TRAK1: variants seen among roughly 807,000 people sequenced by gnomAD.
The protein encoded by TRAK1 is trafficking kinesin protein 1.
A neutral mutation model predicts 92.1 loss-of-function variants in TRAK1; 33 were observed. That is an observed-to-expected ratio of 0.36 (90% confidence interval 0.27 to 0.48). The LOEUF (loss-of-function observed/expected upper bound fraction) is 0.48, where lower values mean the gene tolerates loss of function less well. TRAK1 is among the 20% of genes least tolerant of loss of function. TRAK1 has a pLI of 0.99. For missense variants in TRAK1, 1,123 were observed against 1,257.9 expected, an observed-to-expected ratio of 0.89 and a Z score of 1.62; for synonymous variants, 521 against 517.3, an observed-to-expected ratio of 1.01 and a Z score of -0.10.
upstream of TRAK1, chr3:42,087,147 G>A (rs1336420815): frequency 6.6e-6 from 1 of 152,542 alleles, no homozygotes; most frequent in African/African-American, 2.4e-5. Flanking sequence ...AACTACCGGG[G>A]GCCATCTGCC....
chr3:42,054,771 G>A (rs1703127889), intron 1 of TRAK1, among the ~76,000 whole-genome samples: 1 of 151,924 alleles, frequency 6.6e-6, no homozygotes, highest in Non-Finnish European at 1.5e-5. Flanking sequence ...AGTGAAAGTT[G>A]AATCATTTTC....
intron 1 of TRAK1, among the ~76,000 whole-genome samples, chr3:42,074,615 A>G (rs534862942): frequency 6.6e-6 from 1 of 151,782 alleles, no homozygotes; most frequent in South Asian, 2.1e-4. Context: ...TGTTGAAAAC[A>G]TGCCTTCATT....
intron 1 of TRAK1, among the ~76,000 whole-genome samples, chr3:42,117,785 A>ACTTCTTCTG (rs1487266427): frequency 6.6e-6 from 1 of 150,618 alleles, no homozygotes; most frequent in Non-Finnish European, 1.5e-5. Flanking sequence ...AGATAGGCTG[A>ACTTCTTCTG]CTTCTTCTGA....
intron 1 of TRAK1, among the ~76,000 whole-genome samples, chr3:42,109,347 A>C (rs1228733530): frequency 1.3e-5 from 2 of 152,242 alleles, no homozygotes; most frequent in Non-Finnish European, 2.9e-5. Flanking sequence ...AGGTGATTCA[A>C]AGATGTAATG....
intron 14 of TRAK1, among the ~76,000 whole-genome samples, chr3:42,216,513 C>G (rs938519342): frequency 6.6e-6 from 1 of 152,172 alleles, no homozygotes; most frequent in Non-Finnish European, 1.5e-5. Flanking sequence ...CTCACTCTTG[C>G]AAAGTCCTCT....
chr3:42,110,096 A>T (rs1386195669), intron 1 of TRAK1, among the ~76,000 whole-genome samples: 1 of 31,542 alleles, frequency 3.2e-5, no homozygotes, highest in Non-Finnish European at 7.3e-5. Context: ...AACTTAAAGT[A>T]TATATATATA....
intron 1 of TRAK1, among the ~76,000 whole-genome samples, chr3:42,105,234 A>G (rs975277109): frequency 6.6e-6 from 1 of 152,178 alleles, no homozygotes; most frequent in South Asian, 2.1e-4. Flanking sequence ...GATTACAGGC[A>G]TGAGCCACCA....
intron 1 of TRAK1, among the ~76,000 whole-genome samples, chr3:42,103,257 T>C (rs1707057466): frequency 6.6e-6 from 1 of 152,198 alleles, no homozygotes; most frequent in African/African-American, 2.4e-5. Flanking sequence ...AATCTCTGCC[T>C]CCCAGGTTCA....
chr3:42,218,258 G>A (rs1314756893), intron 14 of TRAK1: 2 of 985,324 alleles, frequency 2.0e-6, no homozygotes, highest in East Asian at 1.1e-4. Context: ...GTAGGTTTGG[G>A]GCAGCAACCA....
At chr3:42,211,298 C>T (rs935435244) in intron 14 of TRAK1, 1 of 985,182 alleles carries the variant, frequency 1.0e-6, no homozygotes, top group East Asian at 1.1e-4. Flanking sequence ...TTCCTTTTTT[C>T]CTTGACATTA....
intron 1 of TRAK1, among the ~76,000 whole-genome samples, chr3:42,077,409 C>T (rs778711109): frequency 6.6e-6 from 1 of 152,190 alleles, no homozygotes; most frequent in Non-Finnish European, 1.5e-5. Flanking sequence ...TTGCCTCAGC[C>T]TCCCAAGTAG....
intron 2 of TRAK1, among the ~76,000 whole-genome samples, chr3:42,137,885 G>A (rs928236675): frequency 3.3e-5 from 5 of 152,138 alleles, no homozygotes. Context: ...TTGGGACTCG[G>A]TTTCTTATCT....
rs71078412 is a variant in TRAK1, at chr3:42,092,711, G to GTGTTATGTTATGTTATGTTA, written c.91+1193_91+1212dup. Reference sequence around the variant, plus strand: ...GTGTTGTGTTGTGTTGTGTTGTGTTGTGTTATGTTATGTTATGTTATGTTA... The same window carrying GTGTTATGTTATGTTATGTTA: ...GTGTTGTGTTGTGTTGTGTTGTGTTGTGTTATGTTATGTTATGTTATGTTATGTTATGTTATGTTATGTTA... On this transcript the variant is annotated intron_variant, in intron 1 of 15. Transcript: ENST00000327628. Among the ~76,000 whole-genome samples, 433 of 101,094 alleles carry GTGTTATGTTATGTTATGTTA rather than the reference G, an allele frequency of 4.3e-3. 5 individuals are homozygous for GTGTTATGTTATGTTATGTTA. Among genetic ancestry groups the GTGTTATGTTATGTTATGTTA allele is most frequent in the African/African-American group, 0.012 (358 of 31,044 alleles). The allele number at this position is 101,094 out of a possible 152,430, so 66.3% of individuals were successfully genotyped here.
chr3:42,199,439 T>C (rs1182659012), intron 11 of TRAK1, among the ~76,000 whole-genome samples, 186 bp downstream of exon 11: 1 of 152,166 alleles, frequency 6.6e-6, no homozygotes, highest in Non-Finnish European at 1.5e-5. Flanking sequence ...TATTATCTTT[T>C]GTTAGTGTTA....
intron 1 of TRAK1, among the ~76,000 whole-genome samples, chr3:42,054,657 A>G (rs1703122479): frequency 6.6e-6 from 1 of 152,170 alleles, no homozygotes; most frequent in Non-Finnish European, 1.5e-5. Flanking sequence ...TGTTCCCAGC[A>G]TGGTAGAAAT....
chr3:42,191,876 T>G (rs953725728), intron 7 of TRAK1, among the ~76,000 whole-genome samples: 1 of 149,748 alleles, frequency 6.7e-6, no homozygotes, highest in African/African-American at 2.5e-5. Context: ...TAATTTTGGC[T>G]TTATACTGGA....
At chr3:42,142,409 T>G in intron 2 of TRAK1, among the ~76,000 whole-genome samples, 1 of 152,176 alleles carries the variant, frequency 6.6e-6, no homozygotes, top group Non-Finnish European at 1.5e-5. Flanking sequence ...AGCTTTTATT[T>G]TCTAGGAATT....
At chr3:42,173,865 C>T (rs983704716) in intron 2 of TRAK1, among the ~76,000 whole-genome samples, 14 of 152,138 alleles carry the variant, frequency 9.2e-5, no homozygotes, top group East Asian at 5.8e-4. Context: ...GGGGCACCAT[C>T]GGTGTTAGCT....
chr3:42,160,106 T>G, intron 2 of TRAK1: 5 of 838,972 alleles, frequency 6.0e-6, no homozygotes, highest in Non-Finnish European at 7.6e-6. Context: ...CCCCGCCAAG[T>G]GCTCCACCCC....
Sources: gnomAD v4.1 joint callset for allele counts (sites outside exome capture counted in the v4.1 genomes callset) on GRCh38, gnomAD v4.1.1 for gene constraint, MANE v1.5 for transcripts, NCBI Gene and HGNC (gene_info 2026-07-23, HGNC 2026-07-21) for gene names.